The following SPAG16 variants were observed in gnomAD, a reference collection of about 807,000 sequenced individuals.
SPAG16 encodes the protein sperm associated antigen 16, also known as sperm-associated antigen 16 protein.
In SPAG16, 86 loss-of-function variants were observed where a neutral mutation model predicts 80.4. The observed-to-expected ratio is 1.07, with a 90% CI of 0.90 to 1.28. SPAG16 has a LOEUF of 1.28. Among genes scored for constraint, SPAG16 ranks in the 50% most tolerant of loss-of-function variants. The pLI, the probability that SPAG16 is intolerant of heterozygous loss-of-function variation, is 0.00. For synonymous variants in SPAG16, 294 were observed against 265.9 expected, an observed-to-expected ratio of 1.11 and a Z score of -1.03; for missense variants, 870 against 765.3, an observed-to-expected ratio of 1.14 and a Z score of -1.61.
At chr2:214,029,298 G>C (rs1358320606) in intron 13 of SPAG16, among the ~76,000 whole-genome samples, 2 of 151,998 alleles carry the variant, frequency 1.3e-5, no homozygotes, top group East Asian at 3.9e-4. Flanking sequence ...TGAGGAAAGA[G>C]GGGTTGGAAA....
intron 12 of SPAG16, among the ~76,000 whole-genome samples, chr2:213,945,336 GTA>G (rs1478885759): frequency 1.4e-5 from 2 of 147,496 alleles, no homozygotes; most frequent in African/African-American, 2.5e-5. Flanking sequence ...TGTATATATA[GTA>G]TATATATATG....
chr2:214,175,287 G>GTATATATATAAAGAAA (rs55804157), intron 15 of SPAG16, among the ~76,000 whole-genome samples: 25 of 141,664 alleles, frequency 1.8e-4, no homozygotes, highest in Non-Finnish European at 3.4e-4. Flanking sequence ...AAAGAAATGT[G>GTATATATATAAAGAAA]TATATATATA....
chr2:213,296,013 C>T (rs1559380533), intron 1 of SPAG16, 51 bp from the exon 2 acceptor site: 2 of 1,502,190 alleles, frequency 1.3e-6, no homozygotes, highest in Admixed American at 1.7e-5. Flanking sequence ...AATTTTTGTG[C>T]AATAATTTTA....
chr2:214,031,384 A>C (rs1222719838), intron 13 of SPAG16, among the ~76,000 whole-genome samples: 2 of 137,234 alleles, frequency 1.5e-5, no homozygotes, highest in African/African-American at 5.5e-5. Context: ...TGGGAATTGA[A>C]CAATGAGAAC....
intron 9 of SPAG16, among the ~76,000 whole-genome samples, chr2:213,440,416 G>A (rs867647332): frequency 5.9e-5 from 9 of 152,200 alleles, no homozygotes; most frequent in Non-Finnish European, 1.2e-4. Context: ...TTAGCTGGGC[G>A]TGGCGGCGGG....
chr2:213,488,170 A>G (rs866546593), intron 9 of SPAG16, among the ~76,000 whole-genome samples: 1 of 152,136 alleles, frequency 6.6e-6, no homozygotes, highest in Non-Finnish European at 1.5e-5. Context: ...GGTGCCTGTC[A>G]TAAAATTGAC....
chr2:213,407,196 G>T (rs2068657988), intron 9 of SPAG16, among the ~76,000 whole-genome samples: 1 of 152,164 alleles, frequency 6.6e-6, no homozygotes, highest in Non-Finnish European at 1.5e-5. Flanking sequence ...CCTCTTTGCA[G>T]TTCTACCTTG....
chr2:213,463,684 A>T (rs149459193), intron 9 of SPAG16, among the ~76,000 whole-genome samples: 1 of 152,244 alleles, frequency 6.6e-6, no homozygotes, highest in Non-Finnish European at 1.5e-5. Flanking sequence ...CAGAGGATGT[A>T]TGGAAATGCC....
At chr2:214,098,785 T>C (rs1177588017) in intron 13 of SPAG16, among the ~76,000 whole-genome samples, 5 of 152,112 alleles carry the variant, frequency 3.3e-5, no homozygotes, top group Admixed American at 6.6e-5. Flanking sequence ...GAGTTACCCA[T>C]TGAGCAAATC....
chr2:213,346,432 A>C (rs1277971369), intron 6 of SPAG16, among the ~76,000 whole-genome samples: 1 of 152,144 alleles, frequency 6.6e-6, no homozygotes, highest in Non-Finnish European at 1.5e-5. Flanking sequence ...AATAGGAGTG[A>C]TGAGGCAGGA....
At chr2:214,031,616 T>TAAAAA (rs1181170003) in intron 13 of SPAG16, among the ~76,000 whole-genome samples, 1 of 71,450 alleles carries the variant, frequency 1.4e-5, no homozygotes, top group Non-Finnish European at 2.9e-5. Context: ...TAAAATAAAA[T>TAAAAA]AAAATAAACA....
intron 10 of SPAG16, among the ~76,000 whole-genome samples, chr2:213,558,543 T>C (rs1053103638): frequency 2.6e-5 from 4 of 152,060 alleles, no homozygotes; most frequent in Non-Finnish European, 5.9e-5. Context: ...AGTCTTTATG[T>C]ATCTGCTCAA....
intron 10 of SPAG16, among the ~76,000 whole-genome samples, chr2:213,843,799 C>T (rs574970795): frequency 1.5e-4 from 23 of 152,080 alleles, no homozygotes; most frequent in South Asian, 4.2e-4. Context: ...TGCAGTAAGC[C>T]GAGATCATGC....
intron 15 of SPAG16, among the ~76,000 whole-genome samples, chr2:214,165,260 ATTCT>A: frequency 6.6e-6 from 1 of 152,118 alleles, no homozygotes; most frequent in African/African-American, 2.4e-5. Context: ...TATTTTGCTT[ATTCT>A]TTCTGGAACT....
intron 10 of SPAG16, among the ~76,000 whole-genome samples, chr2:213,518,898 G>A (rs1293794534): frequency 1.3e-5 from 2 of 152,174 alleles, no homozygotes; most frequent in Non-Finnish European, 2.9e-5. Flanking sequence ...GCCATAAAAA[G>A]AACGAAATCA....
intron 15 of SPAG16, among the ~76,000 whole-genome samples, chr2:214,232,279 A>G (rs1688751190): frequency 6.6e-6 from 1 of 152,044 alleles, no homozygotes; most frequent in Admixed American, 6.6e-5. Context: ...CTCAGAGAGT[A>G]TAGTATCTTT....
chr2:213,696,798 A>G (rs940010176), intron 10 of SPAG16, among the ~76,000 whole-genome samples: 1 of 152,146 alleles, frequency 6.6e-6, no homozygotes, highest in Non-Finnish European at 1.5e-5. Flanking sequence ...TGAGGAGAGA[A>G]TGGGAGGTAA....
At chr2:213,556,790 A>G (rs2059440202) in intron 10 of SPAG16, among the ~76,000 whole-genome samples, 1 of 152,158 alleles carries the variant, frequency 6.6e-6, no homozygotes, top group Admixed American at 6.5e-5. Context: ...GCAGAACAAT[A>G]CATTTTCTTC....
intron 9 of SPAG16, among the ~76,000 whole-genome samples, chr2:213,484,707 T>C (rs1477745823): frequency 6.6e-6 from 1 of 152,208 alleles, no homozygotes; most frequent in Non-Finnish European, 1.5e-5. Flanking sequence ...AATTATCATT[T>C]CCCAATAGTA....
Sources: allele counts gnomAD v4.1 joint callset (sites outside exome capture counted in the v4.1 genomes callset), GRCh38; gene constraint gnomAD v4.1.1; transcripts MANE v1.5; gene names NCBI Gene and HGNC (gene_info 2026-07-23, HGNC 2026-07-21).